TRMT5: variants seen among roughly 807,000 people sequenced by gnomAD.
TRMT5 encodes the protein tRNA (guanine(37)-N(1))-methyltransferase.
In TRMT5, 31 loss-of-function variants were observed where a neutral mutation model predicts 42.2. The ratio of observed to expected loss-of-function variants is 0.73; its 90% CI spans 0.55 to 0.99. The LOEUF (loss-of-function observed/expected upper bound fraction) is 0.99, where lower values mean the gene tolerates loss of function less well. TRMT5 is among the 50% of genes least tolerant of loss of function. TRMT5 has a pLI of 0.00. For missense variants in TRMT5, 568 were observed against 595.0 expected, an observed-to-expected ratio of 0.95 and a Z score of 0.47; for synonymous variants, 198 against 209.6, an observed-to-expected ratio of 0.94 and a Z score of 0.48.
upstream of TRMT5, chr14:60,981,237 A>T: frequency 6.4e-7 from 1 of 1,565,374 alleles, no homozygotes; most frequent in Non-Finnish European, 8.7e-7. Flanking sequence ...GGGCAGGGGT[A>T]GAGGCTCGTA....
chr14:60,976,610 G>T (rs2036851701), intron 3 of TRMT5, among the ~76,000 whole-genome samples: 1 of 152,184 alleles, frequency 6.6e-6, no homozygotes. Context: ...TTTTGTGTTT[G>T]TAAAAGGGAG....
intron 3 of TRMT5, among the ~76,000 whole-genome samples, chr14:60,977,073 G>A (rs879896368): frequency 6.6e-6 from 1 of 151,506 alleles, no homozygotes; most frequent in Non-Finnish European, 1.5e-5. Context: ...AGATGCTTCC[G>A]GCCAAATTAT....
In TRMT5 at chr14:60,979,457, A is replaced by G; in HGVS notation, c.441T>C (p.Thr147=). 6.2e-7 allele frequency: 1 copy of G among 1,614,200 alleles called. No homozygotes were observed. Residue 147 remains threonine, a synonymous_variant, in exon 2 of 5, where the codon ACT becomes ACC. Transcript: ENST00000261249. ...GTTCTGCTTTCTCAAAGGAATCATG[A>G]GTAAATATTTTATAGGGATCCAACA... ...LIMLDPYKIF[T]HDSFEKAELS...
rs778563860 is a variant in TRMT5 at position 60,975,842 on chromosome 14, G to A, written c.1077C>T (p.Phe359=). ...VKVFNLDGKD[F]LQGPVKEELM... ...ACTCTTCTTTGACTGGTCCTTGGAG[G>A]AAGTCTTTCCCATCCAAGTTGAAGA... The change falls in exon 4 of 5, where the codon TTC becomes TTT. Residue 359 remains phenylalanine, a synonymous_variant. Transcript: ENST00000261249. 2 of 1,614,068 alleles carry A rather than the reference G, an allele frequency of 1.2e-6. No homozygotes were observed. Among genetic ancestry groups the A allele is most frequent in the East Asian group, 2.2e-5 (1 of 44,900 alleles).
At position 60,975,947 on chromosome 14, in the gene TRMT5, A is replaced by G; in HGVS notation, c.972T>C (p.Phe324=). Residue 324 remains phenylalanine, a synonymous_variant, in exon 4 of 5, where the codon TTT becomes TTC. Transcript: ENST00000261249. ...GAGATTCAGGATTGAGATCATTGGC[A>G]AATACAGTGCAGTTTTTCTTTGCTA... ...IPVAKKNCTV[F]ANDLNPESHK... 6.2e-7 allele frequency: 1 copy of G among 1,614,206 alleles called. No homozygotes were observed.
At chr14:60,976,851 C>A (rs2036854754) in intron 3 of TRMT5, among the ~76,000 whole-genome samples, 1 of 151,892 alleles carries the variant, frequency 6.6e-6, no homozygotes, top group African/African-American at 2.4e-5. Context: ...TAGTAGACAC[C>A]TTAAAAAACA....
In TRMT5 at chr14:60,975,419, G is replaced by A. The variant is rs960810082; in HGVS notation, c.1444+56C>T. 5.7e-6 allele frequency: 9 copies of A among 1,565,792 alleles called. No individual in the cohort carries two copies. In the Admixed American group the frequency reaches 1.3e-4, roughly 22 times the overall value. ...GCATTAAAATTTGTAAAACTGGGAG[G>A]AATTAGTTACAATTGAATGGCAAGG... On this transcript the variant is annotated intron_variant, in intron 4 of 4. Transcript: ENST00000261249.
At chr14:60,976,593 T>C (rs1365754197) in intron 3 of TRMT5, among the ~76,000 whole-genome samples, 1 of 152,216 alleles carries the variant, frequency 6.6e-6, no homozygotes, top group Non-Finnish European at 1.5e-5. Flanking sequence ...CTTCCCTCCT[T>C]ATTTAGTTTT....
chr14:60,977,543 GCAC>G lies in TRMT5; in HGVS notation c.760_762del (p.Val254del). The G allele has an allele frequency of 6.2e-7, 1 of 1,610,730 alleles. No individual in the cohort carries two copies. The highest frequency in any genetic ancestry group is 8.5e-7 in the Non-Finnish European group (1 of 1,178,328). On this transcript the variant is annotated inframe_deletion, in exon 3 of 5. Coordinates refer to ENST00000261249, the MANE Select transcript of TRMT5 (RefSeq NM_020810.3). Reference sequence around the variant, plus strand: ...GTCATCATGTTCTGCTCTCCAGATAGCACTTCCATTTGGAAATTTCGGTACATA... The same window carrying G: ...GTCATCATGTTCTGCTCTCCAGATAGTTCCATTTGGAAATTTCGGTACATA...
upstream of TRMT5, chr14:60,981,321 A>G (rs1488002969): frequency 2.5e-6 from 4 of 1,610,972 alleles, no homozygotes; most frequent in Non-Finnish European, 3.4e-6. Flanking sequence ...CGGGGCTGGT[A>G]TGTCTCTGTC....
Position 60,972,364 on chromosome 14 carries a change from G to A in TRMT5, c.*2745C>T. The A allele has an allele frequency of 7.4e-6, 4 of 544,106 alleles. No homozygotes were observed. 33.7% of individuals were successfully genotyped at this position (544,106 alleles called of 1,614,324 possible). Reference sequence around the variant, plus strand: ...TTTTTAGGCTTGGGCTCTGGCTTTGGAGGAGCAGGTTTAGCAGACAACCTC... The same window carrying A: ...TTTTTAGGCTTGGGCTCTGGCTTTGAAGGAGCAGGTTTAGCAGACAACCTC... On this transcript the variant is annotated 3_prime_UTR_variant, in exon 5 of 5. Coordinates refer to ENST00000261249, the MANE Select transcript of TRMT5 (RefSeq NM_020810.3).
Position 60,972,228 on chromosome 14 carries a change from T to C in TRMT5, c.*2881A>G, listed in dbSNP as rs186026422. 7 of 520,426 alleles carry C rather than the reference T, an allele frequency of 1.3e-5. No homozygotes were observed. The highest frequency in any genetic ancestry group is 2.7e-5 in the Non-Finnish European group (7 of 262,846). The allele number at this position is 520,426 out of a possible 1,614,324, so 32.2% of individuals were successfully genotyped here. A position where few individuals can be genotyped will look rare whatever the true frequency, so the allele number is the denominator to read the frequency against. On this transcript the variant is annotated 3_prime_UTR_variant, in exon 5 of 5. Coordinates refer to ENST00000261249, the MANE Select transcript of TRMT5 (RefSeq NM_020810.3). ...TGTACAGTCACCAGAAGTACAGTTA[T>C]AAAAAATGCACACACTTCACTTGGG...
rs543134142 is a variant in TRMT5, at chr14:60,973,885, C to T, written c.*1224G>A. 2 of 152,308 alleles carry T rather than the reference C, an allele frequency of 1.3e-5. No homozygotes were observed. The highest frequency in any genetic ancestry group is 4.1e-4 in the South Asian group (2 of 4,826). The allele number at this position is 152,308 out of a possible 1,614,324, so 9.4% of individuals were successfully genotyped here. A position where few individuals can be genotyped will look rare whatever the true frequency, so the allele number is the denominator to read the frequency against. On this transcript the variant is annotated 3_prime_UTR_variant, in exon 5 of 5. Transcript: ENST00000261249. Reference sequence around the variant, plus strand: ...AACAAATGATTGACTTAGAGACTTACTGTTGTTGCAGCCTCATTTTCATTT... The same window carrying T: ...AACAAATGATTGACTTAGAGACTTATTGTTGTTGCAGCCTCATTTTCATTT...
At chr14:60,975,318 A>T in intron 4 of TRMT5, 124 bp from the exon 5 acceptor site, 1 of 1,302,774 alleles carries the variant, frequency 7.7e-7, no homozygotes, top group African/African-American at 1.5e-5. Context: ...ATTCTTGCAG[A>T]TTTACTATTT....
chr14:60,979,138 G>A, intron 2 of TRMT5, 93 bp downstream of exon 2: 1 of 1,133,528 alleles, frequency 8.8e-7, no homozygotes. Flanking sequence ...TTCTGCCTCT[G>A]TAACTTGGCA....
upstream of TRMT5, chr14:60,981,298 C>T (rs1002546569): frequency 1.9e-6 from 3 of 1,608,540 alleles, no homozygotes; most frequent in Non-Finnish European, 2.5e-6. Context: ...CCTGGGGGAG[C>T]TTCAACGCTG....
rs76079086 is a variant in TRMT5 at position 60,979,363 on chromosome 14, G to T, written c.535C>A (p.His179Asn). ...CTCAAGATTTCTTCTGACTTAAAGT[G>T]TTCATATGTTAGTTCCAAATTGTAT... ...SKYNLELTYE[H>N]FKSEEILRAV... The change falls in exon 2 of 5, where the codon CAC (histidine) becomes AAC (asparagine). Residue 179 changes from histidine to asparagine, a missense_variant. By Grantham distance (68) the His-to-Asn change is moderately conservative. Transcript: ENST00000261249. 1.1e-3 allele frequency: 1,734 copies of T among 1,614,088 alleles called. 23 individuals are homozygous for T. In the African/African-American group the frequency reaches 0.019, roughly 17 times the overall value.
At chr14:60,981,230 C>A, upstream of TRMT5, 2 of 1,562,812 alleles carry the variant, frequency 1.3e-6, no homozygotes, top group Non-Finnish European at 1.7e-6. Flanking sequence ...GAGCGCAGGG[C>A]AGGGGTAGAG....
chr14:60,980,706 CA>C, intron 1 of TRMT5: 1 of 590,054 alleles, frequency 1.7e-6, no homozygotes, highest in South Asian at 2.2e-5. Context: ...CGTCAGAGAT[CA>C]AATTGGTTCT....
Sources: gnomAD v4.1 joint callset for allele counts (sites outside exome capture counted in the v4.1 genomes callset) on GRCh38, gnomAD v4.1.1 for gene constraint, MANE v1.5 for transcripts, NCBI Gene and HGNC (gene_info 2026-07-23, HGNC 2026-07-21) for gene names.